Variants in SLC25A26 observed in about 807,000 individuals in gnomAD.
The protein encoded by SLC25A26 is solute carrier family 25 member 26, also known as mitochondrial S-adenosylmethionine carrier protein.
SLC25A26 carries 36 observed loss-of-function variants against 37.8 expected under a neutral mutation model. That is an observed-to-expected ratio of 0.95 (90% confidence interval 0.73 to 1.26). The LOEUF is 1.26. Ranked by LOEUF, SLC25A26 falls within the 50% of genes most tolerant of loss-of-function variation. The pLI, the probability that SLC25A26 is intolerant of heterozygous loss-of-function variation, is 0.00. For missense variants in SLC25A26, 390 were observed against 331.1 expected (o/e 1.18, Z -1.38); for synonymous variants, 129 against 122.5 (o/e 1.05, Z -0.35).
chr3:66,145,901 TAAC>T (rs34153765), intron 1 of SLC25A26, among the ~76,000 whole-genome samples: 51,243 of 151,890 alleles, frequency 0.34, 8,818 homozygotes, highest in African/African-American at 0.4. Context: ...AAAAAGCAAA[TAAC>T]TAATAATAAC....
At chr3:66,187,714 TCA>T (rs2070857283) in intron 1 of SLC25A26, among the ~76,000 whole-genome samples, 2 of 151,296 alleles carry the variant, frequency 1.3e-5, no homozygotes, top group African/African-American at 4.9e-5. Flanking sequence ...ACCCCTACAC[TCA>T]CACACACCCA....
intron 5 of SLC25A26, among the ~76,000 whole-genome samples, chr3:66,310,924 A>C (rs866738249): frequency 1.4e-4 from 21 of 151,976 alleles, no homozygotes; most frequent in African/African-American, 3.9e-4. Flanking sequence ...TGCCCTTAAC[A>C]TTTTTTCCTT....
rs549957136 is a variant in SLC25A26, at chr3:66,270,746, T to C, written c.453+7367T>C. On this transcript the variant is annotated intron_variant, in intron 5 of 9. Coordinates refer to ENST00000354883, the MANE Select transcript of SLC25A26 (RefSeq NM_001379210.1). ...ATTATTACTCCTCAAACCTGGACTTTAGCCTTTAGTTTTTCATCATCTCTT... is the reference window on the plus strand; with the variant it reads ...ATTATTACTCCTCAAACCTGGACTTCAGCCTTTAGTTTTTCATCATCTCTT... 3.9e-5 allele frequency among the ~76,000 whole-genome samples: 6 copies of C among 152,338 alleles called. No homozygotes were observed. The South Asian group carries it at 8.3e-4, about 21-fold the overall frequency.
chr3:66,344,542 A>T (rs745701827), intron 5 of SLC25A26, among the ~76,000 whole-genome samples: 4 of 152,076 alleles, frequency 2.6e-5, no homozygotes, highest in Non-Finnish European at 5.9e-5. Context: ...TGGGACATTT[A>T]CACCCACCCA....
chr3:66,212,923 T>G (rs1404398484), intron 1 of SLC25A26, among the ~76,000 whole-genome samples: 3 of 152,228 alleles, frequency 2.0e-5, no homozygotes, highest in Non-Finnish European at 4.4e-5. Flanking sequence ...GTAGAAAAAG[T>G]ATCTGTTAAA....
intron 2 of SLC25A26, among the ~76,000 whole-genome samples, chr3:66,240,228 G>T (rs1282726528): frequency 6.6e-6 from 1 of 152,198 alleles, no homozygotes; most frequent in African/African-American, 2.4e-5. Context: ...AGGTGGCAAA[G>T]AGGTTACTAC....
At chr3:66,206,185 A>C (rs1265502508) in intron 1 of SLC25A26, among the ~76,000 whole-genome samples, 1 of 152,132 alleles carries the variant, frequency 6.6e-6, no homozygotes, top group South Asian at 2.1e-4. Flanking sequence ...CTATGTTGGG[A>C]TGTTTTCAGT....
rs79223997 is a variant in SLC25A26, at chr3:66,265,373, T to C, written c.453+1994T>C. Among the ~76,000 whole-genome samples the C allele has an allele frequency of 3.0e-3, 459 of 152,330 alleles. 3 individuals are homozygous for C. Among genetic ancestry groups the C allele is most frequent in the East Asian group, 0.017 (87 of 5,188 alleles). On this transcript the variant is annotated intron_variant, in intron 5 of 9. Transcript: ENST00000354883. ...TTTGCTTCACATAGAAGAGACTATC[T>C]TGAAAAAGTTAGTTTTTTCTAAGTT...
chr3:66,151,414 G>A (rs1042568138), intron 1 of SLC25A26, among the ~76,000 whole-genome samples: 8 of 152,214 alleles, frequency 5.3e-5, no homozygotes, highest in African/African-American at 7.2e-5. Flanking sequence ...ACCAAGAGAC[G>A]AGCTGGGCCA....
intron 5 of SLC25A26, among the ~76,000 whole-genome samples, chr3:66,311,850 T>C (rs568263603): frequency 2.0e-5 from 3 of 152,274 alleles, no homozygotes; most frequent in East Asian, 1.9e-4. Context: ...TGCTGCCTGC[T>C]CCTTCCTCTG....
At chr3:66,243,134 A>G (rs188971452) in intron 2 of SLC25A26, 69 bp from the exon 3 acceptor site, 18 of 730,118 alleles carry the variant, frequency 2.5e-5, no homozygotes, top group Admixed American at 1.4e-4. Flanking sequence ...ACTTTTTGAG[A>G]AACATGTTTC....
At chr3:66,222,481 A>G (rs536611193) in intron 1 of SLC25A26, among the ~76,000 whole-genome samples, 194 of 152,280 alleles carry the variant, frequency 1.3e-3, no homozygotes, top group African/African-American at 4.3e-3. Context: ...GCGCCTGGCC[A>G]ATGTTACCGC....
chr3:66,292,650 T>G (rs1480151202), intron 5 of SLC25A26, among the ~76,000 whole-genome samples: 1 of 152,260 alleles, frequency 6.6e-6, no homozygotes, highest in Non-Finnish European at 1.5e-5. Context: ...GTAGGGTTTC[T>G]GCAGAGAGAC....
At chr3:66,266,915 T>A (rs2073775796) in intron 5 of SLC25A26, among the ~76,000 whole-genome samples, 2 of 152,144 alleles carry the variant, frequency 1.3e-5, no homozygotes, top group Admixed American at 6.5e-5. Flanking sequence ...TAGAAGGACT[T>A]TTTATAGAGG....
intron 1 of SLC25A26, among the ~76,000 whole-genome samples, chr3:66,168,924 C>T (rs758771215): frequency 6.6e-6 from 1 of 152,150 alleles, no homozygotes; most frequent in African/African-American, 2.4e-5. Flanking sequence ...GAGTTCAAGA[C>T]CCGATTGAGC....
chr3:66,209,038 GTGTATATATATA>G (rs2071228395), intron 1 of SLC25A26, among the ~76,000 whole-genome samples: 2 of 20,186 alleles, frequency 9.9e-5, no homozygotes, highest in African/African-American at 3.8e-4. Context: ...CCATATAAAG[GTGTATATATATA>G]TATATATATA....
intron 5 of SLC25A26, among the ~76,000 whole-genome samples, chr3:66,300,301 C>T (rs1378681834): frequency 7.1e-6 from 1 of 140,272 alleles, no homozygotes; most frequent in Non-Finnish European, 1.5e-5. Flanking sequence ...TAGCCATTAC[C>T]AATATTACTT....
At chr3:66,179,694 C>T (rs962990791) in intron 1 of SLC25A26, among the ~76,000 whole-genome samples, 2 of 152,018 alleles carry the variant, frequency 1.3e-5, no homozygotes, top group Non-Finnish European at 2.9e-5. Flanking sequence ...AGTTTATCTT[C>T]CATAAGAACT....
intron 1 of SLC25A26, among the ~76,000 whole-genome samples, chr3:66,232,191 C>T (rs576546679): frequency 9.5e-4 from 144 of 152,190 alleles, no homozygotes; most frequent in Non-Finnish European, 1.6e-3. Context: ...GTAATGTTTT[C>T]GTTAACAGTG....
Sources: allele counts gnomAD v4.1 joint callset (sites outside exome capture counted in the v4.1 genomes callset), GRCh38; gene constraint gnomAD v4.1.1; transcripts MANE v1.5; gene names NCBI Gene and HGNC (gene_info 2026-07-23, HGNC 2026-07-21).